NFKB1: variants seen among roughly 807,000 people sequenced by gnomAD.
NFKB1 encodes nuclear factor kappa B subunit 1, also known as nuclear factor NF-kappa-B p105 subunit.
NFKB1 carries 9 observed loss-of-function variants against 105.1 expected under a neutral mutation model. The observed-to-expected ratio is 0.09, with a 90% confidence interval of 0.05 to 0.15. The LOEUF is 0.15. Among genes scored for constraint, NFKB1 ranks in the 10% least tolerant of loss-of-function variants. NFKB1 has a pLI of 1.00. For missense variants in NFKB1, 830 were observed against 1,203.7 expected (o/e 0.69, Z 4.59); for synonymous variants, 440 against 442.2 (o/e 1.00, Z 0.06).
chr4:102,544,538 A>G (rs1721979021), intron 5 of NFKB1, among the ~76,000 whole-genome samples: 1 of 152,208 alleles, frequency 6.6e-6, no homozygotes, highest in South Asian at 2.1e-4. Flanking sequence ...ATATTGATTG[A>G]GCACTGTGTG....
At chr4:102,529,723 GT>G in intron 2 of NFKB1, 112 bp from the exon 3 acceptor site, 1 of 750,772 alleles carries the variant, frequency 1.3e-6, no homozygotes, top group Non-Finnish European at 2.2e-6. Flanking sequence ...TCAGATTTTT[GT>G]TTTTGGCTTT....
intron 1 of NFKB1, among the ~76,000 whole-genome samples, chr4:102,520,444 C>T: frequency 6.6e-6 from 1 of 152,106 alleles, no homozygotes; most frequent in Non-Finnish European, 1.5e-5. Flanking sequence ...ATCTGCCATA[C>T]CTGTTGGATT....
intron 6 of NFKB1, among the ~76,000 whole-genome samples, chr4:102,573,721 T>C (rs961835438): frequency 1.3e-5 from 2 of 152,154 alleles, no homozygotes; most frequent in Non-Finnish European, 2.9e-5. Context: ...TGACCTGTTT[T>C]TTAAAAAATC....
At position 102,594,945 on chromosome 4, in the gene NFKB1, C is replaced by A. The variant is rs1222242764; in HGVS notation, c.1264C>A (p.Pro422Thr). Residue 422 changes from proline (P) to threonine (T), a missense_variant, in exon 13 of 24, where the codon CCT becomes ACT. Pro to Thr is a conservative substitution (Grantham distance 38). Around this residue, in one of 8 missense-constraint regions of NFKB1, gnomAD observed 163 missense variants for 164.3 expected, o/e 0.99. Transcript: ENST00000226574. Reference protein sequence around the residue: ...FPTYGGITFHPGTTKSNAGMK... With the variant: ...FPTYGGITFHTGTTKSNAGMK... The stretch of plus-strand genomic sequence containing the variant: ...TACTTATGGTGGGATTACTTTCCAT[C>A]CTGGAACTACTAAATCTAATGCTGG... 1 of 1,610,856 alleles carries A rather than the reference C, an allele frequency of 6.2e-7. No individual in the cohort carries two copies. Among genetic ancestry groups the A allele is most frequent in the Non-Finnish European group, 8.5e-7 (1 of 1,177,940 alleles).
At chr4:102,594,829 A>C (rs1443579044) in intron 12 of NFKB1, 63 bp from the exon 13 acceptor site, 13 of 1,183,488 alleles carry the variant, frequency 1.1e-5, no homozygotes, top group Non-Finnish European at 1.5e-5. Flanking sequence ...ACAGACACTA[A>C]GTTGTGCTGA....
At chr4:102,565,242 C>A (rs1437255210) in intron 5 of NFKB1, among the ~76,000 whole-genome samples, 15 of 151,952 alleles carry the variant, frequency 9.9e-5, no homozygotes, top group Admixed American at 7.9e-4. Flanking sequence ...TTGGCTTGCT[C>A]TGGGGACCCT....
intron 2 of NFKB1, among the ~76,000 whole-genome samples, chr4:102,526,292 T>TA (rs1740907771): frequency 6.6e-6 from 1 of 152,062 alleles, no homozygotes; most frequent in Non-Finnish European, 1.5e-5. Flanking sequence ...ATTTAATGTG[T>TA]ACACATGGAT....
In NFKB1 at chr4:102,594,004, A is replaced by T. The variant is rs187658240; in HGVS notation, c.1210+436A>T. Among the ~76,000 whole-genome samples, 9 of 152,274 alleles carry T rather than the reference A, an allele frequency of 5.9e-5. No homozygotes were observed. In the South Asian group the frequency reaches 1.9e-3, roughly 32 times the overall value. ...CTGCCATCAAAGGTTAACTACTACT[A>T]TTTTTATGTATATGTTATAGTATAT... On this transcript the variant is annotated intron_variant, in intron 12 of 23. Transcript: ENST00000226574.
intron 15 of NFKB1, among the ~76,000 whole-genome samples, chr4:102,598,237 C>G (rs1183463371): frequency 6.6e-6 from 1 of 152,162 alleles, no homozygotes; most frequent in African/African-American, 2.4e-5. Context: ...GCCTTCCATT[C>G]TTGCTATTAC....
intron 14 of NFKB1, 94 bp from the exon 15 acceptor site, chr4:102,597,426 G>C: frequency 7.7e-7 from 1 of 1,301,922 alleles, no homozygotes; most frequent in East Asian, 2.4e-5. Context: ...CAAGGTGTCA[G>C]AACACTGATG....
chr4:102,578,943 G>A lies in NFKB1; in HGVS notation c.634G>A (p.Val212Met), dbSNP rs1325477490. The A allele has an allele frequency of 1.3e-5, 21 of 1,614,016 alleles. No individual in the cohort carries two copies. The highest frequency in any genetic ancestry group is 2.2e-5 in the East Asian group (1 of 44,902). Residue 212 changes from valine (V) to methionine (M), a missense_variant, in exon 8 of 24, where the codon GTG (valine) becomes ATG (methionine). Val to Met is a conservative substitution (Grantham distance 21). This residue lies in a region of NFKB1 where 80 missense variants were observed against 122.6 expected (regional missense o/e 0.65). Transcript: ENST00000226574. ...LQQTKEMDLSVVRLMFTAFLP... is the reference protein window; with the variant it reads ...LQQTKEMDLSMVRLMFTAFLP... Reference sequence around the variant, plus strand: ...GCAGACCAAGGAGATGGACCTCAGCGTGGTGCGGCTCATGTTTACAGCTTT... The same window carrying A: ...GCAGACCAAGGAGATGGACCTCAGCATGGTGCGGCTCATGTTTACAGCTTT...
intron 6 of NFKB1, among the ~76,000 whole-genome samples, chr4:102,568,287 G>GA (rs1024607591): frequency 5.6e-4 from 81 of 145,922 alleles, no homozygotes; most frequent in African/African-American, 1.5e-3. Flanking sequence ...TTTGATGTTA[G>GA]AAAAAAAAAA....
chr4:102,585,689 A>G (rs1470103175), intron 11 of NFKB1, among the ~76,000 whole-genome samples: 1 of 152,228 alleles, frequency 6.6e-6, no homozygotes, highest in African/African-American at 2.4e-5. Context: ...CCATAAAAAT[A>G]TAAGAGAATG....
chr4:102,515,703 T>C (rs1009078205), intron 1 of NFKB1, among the ~76,000 whole-genome samples: 1 of 152,214 alleles, frequency 6.6e-6, no homozygotes, highest in Non-Finnish European at 1.5e-5. Flanking sequence ...GCTGTTATTG[T>C]TATACATTTT....
At chr4:102,565,086 C>T (rs1203280291) in intron 5 of NFKB1, among the ~76,000 whole-genome samples, 1 of 152,082 alleles carries the variant, frequency 6.6e-6, no homozygotes, top group Non-Finnish European at 1.5e-5. Context: ...AGGGCAAAGA[C>T]TTTCTCCTTG....
intron 19 of NFKB1, among the ~76,000 whole-genome samples, chr4:102,609,134 TAGAATA>T (rs1246157601): frequency 3.3e-5 from 4 of 122,220 alleles, no homozygotes; most frequent in South Asian, 5.0e-4. Flanking sequence ...GCCTGAGCTA[TAGAATA>T]AGAATAAGAC....
chr4:102,558,790 A>G (rs572009478), intron 5 of NFKB1, among the ~76,000 whole-genome samples: 13 of 152,316 alleles, frequency 8.5e-5, no homozygotes, highest in Admixed American at 6.5e-5. Context: ...AGCCGGAACT[A>G]CAGGTGCACA....
intron 1 of NFKB1, among the ~76,000 whole-genome samples, chr4:102,504,612 T>G (rs1411510869): frequency 6.6e-6 from 1 of 152,208 alleles, no homozygotes; most frequent in Non-Finnish European, 1.5e-5. Flanking sequence ...TACGTCTTGG[T>G]AAACAGTAGA....
At chr4:102,582,980 T>A in intron 10 of NFKB1, 23 bp downstream of exon 10, 1 of 1,487,052 alleles carries the variant, frequency 6.7e-7, no homozygotes, top group Non-Finnish European at 9.3e-7. Context: ...TTATTATTAT[T>A]AATCCTTATT....
Sources: gnomAD v4.1 joint callset for allele counts (sites outside exome capture counted in the v4.1 genomes callset) on GRCh38, gnomAD v4.1.1 for gene constraint, gnomAD v4.1.1 regional missense constraint, MANE v1.5 for transcripts, NCBI Gene and HGNC (gene_info 2026-07-23, HGNC 2026-07-21) for gene names.